The following NSD1 variants were observed in gnomAD, a reference collection of about 807,000 sequenced individuals.
NSD1 encodes histone-lysine N-methyltransferase, H3 lysine-36 specific.
NSD1 carries 26 observed loss-of-function variants against 242.7 expected under a neutral mutation model. The ratio of observed to expected loss-of-function variants is 0.11; its 90% CI spans 0.08 to 0.15. NSD1 has a LOEUF of 0.15. NSD1 is among the 10% of genes least tolerant of loss of function. The probability of loss-of-function intolerance (pLI) is 1.00; values close to 1 mark genes in which losing one functional copy is unlikely to be tolerated. For synonymous variants in NSD1, 1,106 were observed against 1,178.1 expected (o/e 0.94, Z 1.25); for missense variants, 2,495 against 3,272.8 (o/e 0.76, Z 5.80).
intron 2 of NSD1, among the ~76,000 whole-genome samples, chr5:177,163,947 A>C (rs1338893682): frequency 1.3e-5 from 2 of 152,036 alleles, no homozygotes; most frequent in Non-Finnish European, 2.9e-5. Context: ...TTTTTAGTGG[A>C]TTCTTGTCTT....
At position 177,146,500 on chromosome 5, in the gene NSD1, A is replaced by C. The variant is rs114700542; in HGVS notation, c.927+10470A>C. ...ATTACAGGCTTGAGCCACCGCGTCC[A>C]GCCAGTCTTACTTAGGCATTGACGT... On this transcript the variant is annotated intron_variant, in intron 2 of 22. Transcript: ENST00000439151. Among the ~76,000 whole-genome samples the C allele has an allele frequency of 5.4e-3, 823 of 151,920 alleles. 6 individuals are homozygous for C. Among genetic ancestry groups the C allele is most frequent in the African/African-American group, 0.019 (777 of 41,476 alleles).
chr5:177,210,273 G>T lies in NSD1; in HGVS notation c.1874G>T (p.Gly625Val), dbSNP rs751048159. ...CGSKVKLCYIGAGDEEKRSDS... is the reference protein window; with the variant it reads ...CGSKVKLCYIVAGDEEKRSDS... ...TCAAAAGTGAAGCTCTGCTATATTG[G>T]AGCAGGTGATGAGGAAAAGCGAAGT... Residue 625 changes from glycine (G) to valine (V), a missense_variant, in exon 5 of 23, where the codon GGA (glycine) becomes GTA (valine). Gly to Val is a moderately radical substitution (Grantham distance 109). Transcript: ENST00000439151. The T allele has an allele frequency of 6.2e-7, 1 of 1,608,212 alleles. No individual in the cohort carries two copies. Among genetic ancestry groups the T allele is most frequent in the East Asian group, 2.2e-5 (1 of 44,786 alleles).
intron 16 of NSD1, among the ~76,000 whole-genome samples, chr5:177,271,064 G>A (rs1251970153): frequency 6.6e-6 from 1 of 152,034 alleles, no homozygotes; most frequent in African/African-American, 2.4e-5. Flanking sequence ...AAGGAATACC[G>A]CAGGTCTGAG....
chr5:177,249,091 C>T (rs1446225616), intron 11 of NSD1, among the ~76,000 whole-genome samples: 1 of 152,108 alleles, frequency 6.6e-6, no homozygotes, highest in Non-Finnish European at 1.5e-5. Context: ...GACTTGAAGT[C>T]TTTGTGAGTA....
At chr5:177,220,867 G>A (rs1480763883) in intron 5 of NSD1, 4 of 323,106 alleles carry the variant, frequency 1.2e-5, no homozygotes, top group East Asian at 2.1e-4. Flanking sequence ...CACTGTGGTC[G>A]GCCTCTTTTT....
chr5:177,167,403 C>T (rs1312036286), intron 2 of NSD1, among the ~76,000 whole-genome samples: 2 of 152,016 alleles, frequency 1.3e-5, no homozygotes, highest in African/African-American at 2.4e-5. Flanking sequence ...GGCTTGGTGG[C>T]GCATGCCTGT....
At chr5:177,286,086 T>G (rs969242243) in intron 20 of NSD1, among the ~76,000 whole-genome samples, 5 of 151,892 alleles carry the variant, frequency 3.3e-5, no homozygotes, top group Non-Finnish European at 5.9e-5. Context: ...TAGTAGAGAC[T>G]CCTGACCTCA....
chr5:177,192,986 G>A (rs1761822200), intron 3 of NSD1, among the ~76,000 whole-genome samples: 1 of 152,162 alleles, frequency 6.6e-6, no homozygotes, highest in Admixed American at 6.5e-5. Context: ...TGAAACAATT[G>A]TAAATGTTTA....
At chr5:177,267,215 T>A (rs1757565703) in intron 14 of NSD1, among the ~76,000 whole-genome samples, 1 of 152,218 alleles carries the variant, frequency 6.6e-6, no homozygotes, top group African/African-American at 2.4e-5. Context: ...ATACTACTTA[T>A]GTGTCAGACG....
chr5:177,292,732 G>C (rs1327970437), intron 22 of NSD1, among the ~76,000 whole-genome samples: 3 of 152,178 alleles, frequency 2.0e-5, no homozygotes, highest in Non-Finnish European at 4.4e-5. Flanking sequence ...TAATACATGA[G>C]AAAGCTGCTC....
At chr5:177,186,120 A>G in intron 2 of NSD1, among the ~76,000 whole-genome samples, 1 of 122,590 alleles carries the variant, frequency 8.2e-6, no homozygotes, top group Middle Eastern at 3.8e-3. Flanking sequence ...ATGTATATTT[A>G]TATATAATAT....
chr5:177,196,906 A>G (rs1581267594), intron 3 of NSD1, among the ~76,000 whole-genome samples: 1 of 152,348 alleles, frequency 6.6e-6, no homozygotes, highest in East Asian at 1.9e-4. Flanking sequence ...GAAACTGGAT[A>G]GTACTGAATC....
intron 2 of NSD1, among the ~76,000 whole-genome samples, chr5:177,141,640 C>T (rs1756833713): frequency 6.6e-6 from 1 of 151,940 alleles, no homozygotes. Flanking sequence ...TACCACTTCT[C>T]AAACAGTCCT....
chr5:177,201,712 C>G (rs1467598343), intron 3 of NSD1, among the ~76,000 whole-genome samples: 1 of 151,528 alleles, frequency 6.6e-6, no homozygotes, highest in Non-Finnish European at 1.5e-5. Context: ...GCAAGTTGCA[C>G]CACGCCCGGC....
intron 5 of NSD1, chr5:177,229,903 C>T (rs943046480): frequency 3.3e-5 from 6 of 182,330 alleles, no homozygotes; most frequent in East Asian, 1.8e-4. Flanking sequence ...ACCACCACAC[C>T]TGGCTAGTTT....
chr5:177,185,569 G>C (rs1315934452), intron 2 of NSD1, among the ~76,000 whole-genome samples: 1 of 148,860 alleles, frequency 6.7e-6, no homozygotes, highest in Non-Finnish European at 1.5e-5. Flanking sequence ...TTGCACTCCA[G>C]CCTGGGGGAT....
chr5:177,229,438 T>C (rs935291021), intron 5 of NSD1, among the ~76,000 whole-genome samples: 2 of 152,216 alleles, frequency 1.3e-5, no homozygotes, highest in African/African-American at 4.8e-5. Flanking sequence ...ACATATCCTG[T>C]ATTAAGGTTT....
chr5:177,251,418 T>C (rs1461450326), intron 11 of NSD1, among the ~76,000 whole-genome samples: 2 of 152,206 alleles, frequency 1.3e-5, no homozygotes, highest in Non-Finnish European at 2.9e-5. Flanking sequence ...TGTCTGTTGC[T>C]TGAACCATTC....
intron 13 of NSD1, among the ~76,000 whole-genome samples, chr5:177,257,837 A>AT (rs201609157): frequency 7.5e-6 from 1 of 132,502 alleles, no homozygotes; most frequent in African/African-American, 2.8e-5. Context: ...ATTTTATTTT[A>AT]TTTTATTTTT....
Sources: allele counts gnomAD v4.1 joint callset (sites outside exome capture counted in the v4.1 genomes callset), GRCh38; gene constraint gnomAD v4.1.1; transcripts MANE v1.5; gene names NCBI Gene and HGNC (gene_info 2026-07-23, HGNC 2026-07-21).